CNTN4: variants seen among roughly 807,000 people sequenced by gnomAD.
CNTN4 encodes contactin-4.
CNTN4 carries 77 observed loss-of-function variants against 122.5 expected under a neutral mutation model. That is an observed-to-expected ratio of 0.63 (90% confidence interval 0.52 to 0.76). The LOEUF is 0.76. CNTN4 is among the 30% of genes least tolerant of loss of function. CNTN4 has a pLI of 0.00. For missense variants in CNTN4, 1,256 were observed against 1,259.1 expected (o/e 1.00, Z 0.04); for synonymous variants, 512 against 447.0 (o/e 1.15, Z -1.83).
chr3:2,820,589 A>G (rs909749297), intron 7 of CNTN4, among the ~76,000 whole-genome samples: 1 of 151,972 alleles, frequency 6.6e-6, no homozygotes, highest in Non-Finnish European at 1.5e-5. Flanking sequence ...GAAAGTTCCA[A>G]CCCTTTAATT....
intron 4 of CNTN4, among the ~76,000 whole-genome samples, chr3:2,573,126 G>A (rs1353464155): frequency 6.6e-6 from 1 of 152,156 alleles, no homozygotes; most frequent in Non-Finnish European, 1.5e-5. Flanking sequence ...CTATAGTCTT[G>A]CCTGTTCATA....
intron 3 of CNTN4, among the ~76,000 whole-genome samples, chr3:2,379,327 C>T (rs1369409408): frequency 6.7e-6 from 1 of 150,240 alleles, no homozygotes; most frequent in Non-Finnish European, 1.5e-5. Context: ...GATTAAAATT[C>T]TTCAAGAAGC....
intron 6 of CNTN4, among the ~76,000 whole-genome samples, chr3:2,808,732 A>T (rs927567838): frequency 6.6e-6 from 1 of 152,180 alleles, no homozygotes. Context: ...TGTTGATTAC[A>T]TTCCAATTTT....
At chr3:2,989,077 G>A (rs1370193200) in intron 14 of CNTN4, 1 of 152,938 alleles carries the variant, frequency 6.5e-6, no homozygotes, top group Non-Finnish European at 1.5e-5. Context: ...TCTTAGCAAA[G>A]CACGTGAGTG....
At chr3:2,587,889 T>G (rs1420113284) in intron 4 of CNTN4, among the ~76,000 whole-genome samples, 1 of 152,146 alleles carries the variant, frequency 6.6e-6, no homozygotes, top group Non-Finnish European at 1.5e-5. Context: ...ACTTGCTACC[T>G]TCTGGTTTTG....
intron 3 of CNTN4, among the ~76,000 whole-genome samples, chr3:2,510,561 G>A (rs1184933238): frequency 6.6e-6 from 1 of 151,986 alleles, no homozygotes; most frequent in African/African-American, 2.4e-5. Context: ...AGTGACACAG[G>A]CGCTGAGTCT....
chr3:2,598,106 A>C (rs75832240), intron 4 of CNTN4, among the ~76,000 whole-genome samples: 1,938 of 152,250 alleles, frequency 0.013, 37 homozygotes, highest in African/African-American at 0.044. Flanking sequence ...TGAATTCAGC[A>C]GGTGCTTCAA....
chr3:2,824,178 G>T (rs1172960535), intron 7 of CNTN4, among the ~76,000 whole-genome samples: 2 of 150,140 alleles, frequency 1.3e-5, no homozygotes, highest in Non-Finnish European at 1.5e-5. Context: ...AAAAAAACAG[G>T]CCAGGCGCGG....
chr3:2,580,055 G>C (rs1167016284), intron 4 of CNTN4, among the ~76,000 whole-genome samples: 1 of 152,040 alleles, frequency 6.6e-6, no homozygotes, highest in East Asian at 1.9e-4. Flanking sequence ...GTGTGTGTGT[G>C]TGTGTATGTA....
At position 2,968,269 on chromosome 3, in the gene CNTN4, G is replaced by A. The variant is rs76984982; in HGVS notation, c.1359-20076G>A. Among the ~76,000 whole-genome samples the A allele has an allele frequency of 7.3e-3, 1,107 of 152,186 alleles. 13 individuals are homozygous for A. The highest frequency in any genetic ancestry group is 0.021 in the African/African-American group (877 of 41,504). The stretch of plus-strand genomic sequence containing the variant: ...CCTCTTCAAAAGTAAGATAAGTATC[G>A]GAATCTGTCATTTTCTGCTTTGGAT... On this transcript the variant is annotated intron_variant, in intron 13 of 24. Coordinates refer to ENST00000418658, the MANE Select transcript of CNTN4 (RefSeq NM_175607.3).
rs1402027359 is a variant in CNTN4, at chr3:2,795,611, C to T, written c.359-23875C>T. On this transcript the variant is annotated intron_variant, in intron 6 of 24. Transcript: ENST00000418658. Reference sequence around the variant, plus strand: ...TCTCGGCTCAGTGCAAGCTCTGCCTCCCGGGTTCACGCCATTCTCCTGCCT... The same window carrying T: ...TCTCGGCTCAGTGCAAGCTCTGCCTTCCGGGTTCACGCCATTCTCCTGCCT... 4.0e-5 allele frequency among the ~76,000 whole-genome samples: 6 copies of T among 151,658 alleles called. 1 individual carries two copies. Among genetic ancestry groups the T allele is most frequent in the Admixed American group, 2.6e-4 (4 of 15,220 alleles).
intron 6 of CNTN4, among the ~76,000 whole-genome samples, chr3:2,778,881 A>T (rs1475311166): frequency 6.6e-6 from 1 of 152,180 alleles, no homozygotes; most frequent in Non-Finnish European, 1.5e-5. Flanking sequence ...ACTGTTAAGG[A>T]CTGTCACAAT....
intron 2 of CNTN4, among the ~76,000 whole-genome samples, chr3:2,130,959 A>G (rs909958328): frequency 1.3e-5 from 2 of 152,180 alleles, no homozygotes; most frequent in Non-Finnish European, 2.9e-5. Flanking sequence ...AGCTGAGGTC[A>G]GGTTGGGCTG....
intron 2 of CNTN4, among the ~76,000 whole-genome samples, chr3:2,295,897 A>G (rs372008881): frequency 1.6e-4 from 24 of 152,096 alleles, no homozygotes; most frequent in African/African-American, 5.1e-4. Flanking sequence ...TCTACATATG[A>G]CTAGCCAGTT....
chr3:2,704,879 T>C (rs764521459), intron 4 of CNTN4, among the ~76,000 whole-genome samples: 18 of 152,128 alleles, frequency 1.2e-4, no homozygotes, highest in Non-Finnish European at 2.2e-4. Flanking sequence ...AACATTAATA[T>C]ACATTTTCCT....
chr3:2,874,391 T>C (rs1275733037), intron 8 of CNTN4, among the ~76,000 whole-genome samples: 7 of 152,184 alleles, frequency 4.6e-5, no homozygotes, highest in Admixed American at 4.6e-4. Context: ...GAATAATACA[T>C]TTATAGAGGG....
At chr3:2,535,732 T>C (rs1173105186) in intron 3 of CNTN4, among the ~76,000 whole-genome samples, 1 of 152,204 alleles carries the variant, frequency 6.6e-6, no homozygotes, top group Admixed American at 6.5e-5. Context: ...ATTTTGATGT[T>C]ATTTCTACTA....
At chr3:3,032,954 A>T (rs897657973) in intron 16 of CNTN4, among the ~76,000 whole-genome samples, 5 of 152,280 alleles carry the variant, frequency 3.3e-5, no homozygotes, top group African/African-American at 1.2e-4. Flanking sequence ...AAAAGAACAA[A>T]CAAATCCAGG....
chr3:3,008,924 AG>A (rs1305980585), intron 14 of CNTN4: 207 of 984,480 alleles, frequency 2.1e-4, no homozygotes, highest in Non-Finnish European at 2.4e-4. Context: ...ATAAGCTGTG[AG>A]ATTCCAAAAG....
Sources: gnomAD v4.1 joint callset for allele counts (sites outside exome capture counted in the v4.1 genomes callset) on GRCh38, gnomAD v4.1.1 for gene constraint, MANE v1.5 for transcripts, NCBI Gene and HGNC (gene_info 2026-07-23, HGNC 2026-07-21) for gene names.